The following KCNIP1 variants were observed in gnomAD, a reference collection of about 807,000 sequenced individuals.
KCNIP1 encodes the protein A-type potassium channel modulatory protein KCNIP1.
In KCNIP1, 18 loss-of-function variants were observed where a neutral mutation model predicts 33.0. That is an observed-to-expected ratio of 0.55 (90% CI 0.38 to 0.81). The LOEUF (loss-of-function observed/expected upper bound fraction) is 0.81, where lower values mean the gene tolerates loss of function less well. KCNIP1 is among the 30% of genes least tolerant of loss of function. KCNIP1 has a pLI of 0.00. For synonymous variants in KCNIP1, 93 were observed against 98.3 expected (o/e 0.95, Z 0.32); for missense variants, 238 against 271.6 (o/e 0.88, Z 0.87).
chr5:170,421,226 T>C (rs1334702952), intron 1 of KCNIP1, among the ~76,000 whole-genome samples: 1 of 152,160 alleles, frequency 6.6e-6, no homozygotes, highest in African/African-American at 2.4e-5. Flanking sequence ...CACTCTTGTT[T>C]CCTGGTTGCA....
intron 7 of KCNIP1, among the ~76,000 whole-genome samples, chr5:170,734,350 G>A (rs1015184058): frequency 1.2e-4 from 18 of 152,164 alleles, no homozygotes; most frequent in African/African-American, 4.3e-4. Flanking sequence ...CTCAATCCCA[G>A]AGACTCTAGA....
Position 170,489,584 on chromosome 5 carries a change from G to C in KCNIP1, c.88+135620G>C, listed in dbSNP as rs1053998500. 6.6e-6 allele frequency among the ~76,000 whole-genome samples: 1 copy of C among 152,174 alleles called. No individual in the cohort carries two copies. Among genetic ancestry groups the C allele is most frequent in the African/African-American group, 2.4e-5 (1 of 41,434 alleles). On this transcript the variant is annotated intron_variant, in intron 1 of 7. Coordinates refer to the KCNIP1 transcript ENST00000377360. This position sits in a 1 kb window ranked among gnomAD's most constrained non-coding sequence, Gnocchi z 4.3. The stretch of plus-strand genomic sequence containing the variant: ...CTTCAGACAGTTCTGAGCAGACCAC[G>C]CAAAATACAACTGTGATGTTATTTG...
chr5:170,729,074 T>C (rs1258586859), intron 5 of KCNIP1, among the ~76,000 whole-genome samples: 1 of 152,024 alleles, frequency 6.6e-6, no homozygotes, highest in Non-Finnish European at 1.5e-5. Flanking sequence ...GTTAACTATT[T>C]TGGCAATAAG....
At chr5:170,430,024 C>T (rs975827834) in intron 1 of KCNIP1, among the ~76,000 whole-genome samples, 9 of 152,166 alleles carry the variant, frequency 5.9e-5, no homozygotes, top group Admixed American at 2.0e-4. Flanking sequence ...CACTGATGTC[C>T]CCACAGATTT....
intron 1 of KCNIP1, among the ~76,000 whole-genome samples, chr5:170,387,246 T>A (rs971217683): frequency 1.3e-4 from 20 of 152,180 alleles, no homozygotes; most frequent in Non-Finnish European, 2.9e-5. Context: ...CCTTGCCAGG[T>A]CCCTAAAGTA....
chr5:170,433,562 C>G (rs529089087), intron 1 of KCNIP1, among the ~76,000 whole-genome samples: 38 of 152,296 alleles, frequency 2.5e-4, no homozygotes, highest in Admixed American at 5.2e-4. Flanking sequence ...CTCATATACT[C>G]TAGCCAAACA....
At chr5:170,405,367 G>A (rs529363514) in intron 1 of KCNIP1, among the ~76,000 whole-genome samples, 1 of 152,138 alleles carries the variant, frequency 6.6e-6, no homozygotes, top group East Asian at 1.9e-4. Context: ...TTAATTATTA[G>A]TATATTTTAA....
intron 1 of KCNIP1, among the ~76,000 whole-genome samples, chr5:170,470,339 A>G (rs1319474603): frequency 6.6e-6 from 1 of 151,970 alleles, no homozygotes; most frequent in Non-Finnish European, 1.5e-5. Flanking sequence ...AACAGAATCA[A>G]CATGCCTGTA....
chr5:170,468,045 G>A (rs573107377), intron 1 of KCNIP1, among the ~76,000 whole-genome samples: 13 of 151,822 alleles, frequency 8.6e-5, no homozygotes, highest in Non-Finnish European at 1.2e-4. Flanking sequence ...AAGAATCTGT[G>A]GCCTTTCAGA....
At chr5:170,607,821 A>G (rs1327439633) in intron 1 of KCNIP1, among the ~76,000 whole-genome samples, 1 of 152,156 alleles carries the variant, frequency 6.6e-6, no homozygotes, top group African/African-American at 2.4e-5. Flanking sequence ...GAGGGCAGCG[A>G]TCCCTAAGGT....
intron 1 of KCNIP1, among the ~76,000 whole-genome samples, chr5:170,370,369 G>C (rs1456949195): frequency 6.6e-6 from 1 of 152,150 alleles, no homozygotes; most frequent in East Asian, 1.9e-4. Context: ...TTCCAATTGA[G>C]GAAACTGAGA....
At chr5:170,475,199 T>C (rs1756828673) in intron 1 of KCNIP1, among the ~76,000 whole-genome samples, 1 of 152,190 alleles carries the variant, frequency 6.6e-6, no homozygotes, top group Admixed American at 6.5e-5. Flanking sequence ...ACAGAAAAGT[T>C]CTTCAAGTCC....
intron 1 of KCNIP1, among the ~76,000 whole-genome samples, chr5:170,716,064 A>G (rs1338261403): frequency 1.3e-5 from 2 of 152,194 alleles, no homozygotes; most frequent in Admixed American, 6.5e-5. Flanking sequence ...GAATGTGTCT[A>G]CAGCGGCCAG....
chr5:170,501,223 T>G (rs559751173), upstream of KCNIP1, among the ~76,000 whole-genome samples: 1 of 152,000 alleles, frequency 6.6e-6, no homozygotes, highest in Non-Finnish European at 1.5e-5. Flanking sequence ...CTGGAGGAGA[T>G]GACATCTGCA....
At chr5:170,443,141 G>A (rs1473632908) in intron 1 of KCNIP1, among the ~76,000 whole-genome samples, 3 of 152,158 alleles carry the variant, frequency 2.0e-5, no homozygotes, top group Non-Finnish European at 4.4e-5. Flanking sequence ...CTCTTGTCCA[G>A]ACCCAAAGGT....
At chr5:170,722,981 T>C (rs1763882630) in intron 5 of KCNIP1, among the ~76,000 whole-genome samples, 161 bp downstream of exon 5, 1 of 152,152 alleles carries the variant, frequency 6.6e-6, no homozygotes, top group Non-Finnish European at 1.5e-5. Flanking sequence ...GCCTCCCTCA[T>C]TGCCCTACCC....
At chr5:170,555,160 C>T (rs2113435107) in intron 1 of KCNIP1, among the ~76,000 whole-genome samples, 1 of 152,292 alleles carries the variant, frequency 6.6e-6, no homozygotes, top group South Asian at 2.1e-4. Context: ...CTCAGTTCCC[C>T]AGCGAGACCG....
intron 1 of KCNIP1, among the ~76,000 whole-genome samples, chr5:170,511,226 A>T (rs1427416460): frequency 6.6e-6 from 1 of 152,218 alleles, no homozygotes; most frequent in Non-Finnish European, 1.5e-5. Context: ...ATAAAAATTA[A>T]AAAATGGGGA....
chr5:170,518,906 A>G (rs1581265510), intron 1 of KCNIP1, among the ~76,000 whole-genome samples: 1 of 152,252 alleles, frequency 6.6e-6, no homozygotes, highest in South Asian at 2.1e-4. Context: ...TGAGAGGCAC[A>G]TCCTGGCTCT....
Sources: allele counts gnomAD v4.1 joint callset (sites outside exome capture counted in the v4.1 genomes callset), GRCh38; gene constraint gnomAD v4.1.1; non-coding constraint Gnocchi (gnomAD v3.1); transcripts MANE v1.5; gene names NCBI Gene and HGNC (gene_info 2026-07-23, HGNC 2026-07-21).